PCDH15: variants seen among roughly 807,000 people sequenced by gnomAD.
PCDH15 encodes protocadherin related 15.
Under a neutral mutation model 178.5 loss-of-function variants are expected in PCDH15, and 129 were observed. The observed-to-expected ratio is 0.72, with a 90% CI of 0.63 to 0.84. The LOEUF (loss-of-function observed/expected upper bound fraction) is 0.84. PCDH15 is among the 40% of genes least tolerant of loss of function. The pLI, the probability that PCDH15 is intolerant of heterozygous loss-of-function variation, is 0.00. For synonymous variants in PCDH15, 800 were observed against 732.0 expected (o/e 1.09, Z -1.50); for missense variants, 2,230 against 2,099.9 (o/e 1.06, Z -1.21).
At chr10:54,337,070 T>C (rs186328204) in intron 6 of PCDH15, among the ~76,000 whole-genome samples, 2 of 152,056 alleles carry the variant, frequency 1.3e-5, no homozygotes, top group East Asian at 1.9e-4. Context: ...GTATAGGGCC[T>C]TTAGACCCTT....
At chr10:54,219,132 G>A (rs186150673) in intron 9 of PCDH15, among the ~76,000 whole-genome samples, 13 of 149,252 alleles carry the variant, frequency 8.7e-5, no homozygotes, top group South Asian at 8.5e-4. Context: ...AAAATTAGCC[G>A]GGCGTGGTGG....
chr10:54,226,662 A>G (rs2053482036), intron 9 of PCDH15, among the ~76,000 whole-genome samples: 1 of 152,204 alleles, frequency 6.6e-6, no homozygotes, highest in Non-Finnish European at 1.5e-5. Context: ...AACCCATTTC[A>G]GCATTAACTC....
intron 14 of PCDH15, among the ~76,000 whole-genome samples, chr10:54,139,529 A>G (rs955411847): frequency 6.6e-6 from 1 of 152,152 alleles, no homozygotes; most frequent in Non-Finnish European, 1.5e-5. Context: ...ATGGGGAAAC[A>G]TATTTCTAAA....
At chr10:54,726,982 AT>A (rs201275284) in intron 1 of PCDH15, among the ~76,000 whole-genome samples, 7,098 of 148,762 alleles carry the variant, frequency 0.048, 229 homozygotes, top group Middle Eastern at 0.13. Context: ...CTTGGAAAAT[AT>A]TTTTGTGGGT....
At chr10:54,297,912 G>GGA (rs2059902222) in intron 8 of PCDH15, among the ~76,000 whole-genome samples, 1 of 152,170 alleles carries the variant, frequency 6.6e-6, no homozygotes, top group South Asian at 2.1e-4. Flanking sequence ...CTGAGAGTTT[G>GGA]GAGATACCTG....
intron 21 of PCDH15, among the ~76,000 whole-genome samples, chr10:53,987,861 TC>T (rs2091213837): frequency 3.3e-5 from 5 of 152,324 alleles, no homozygotes; most frequent in Admixed American, 2.6e-4. Context: ...TTCCCTTCCA[TC>T]TTGTCAGTCT....
rs529790400 is a variant in PCDH15, at chr10:55,171,303, A to T, written c.-155-4652T>A. On this transcript the variant is annotated intron_variant, in intron 1 of 5. Coordinates refer to the PCDH15 transcript ENST00000458638. The stretch of plus-strand genomic sequence containing the variant: ...GTATAAATAGCAATTCTATTATTTC[A>T]CCAGCTTAGGCCTAAATGATGCATT... Among the ~76,000 whole-genome samples, 243 of 152,330 alleles carry T rather than the reference A, an allele frequency of 1.6e-3. 2 individuals are homozygous for T. Among genetic ancestry groups the T allele is most frequent in the African/African-American group, 5.5e-3 (227 of 41,580 alleles).
chr10:55,210,721 C>T (rs960763727), intron 1 of PCDH15, among the ~76,000 whole-genome samples: 4 of 144,566 alleles, frequency 2.8e-5, no homozygotes, highest in African/African-American at 7.7e-5. Flanking sequence ...CTCTGCCTCC[C>T]GTGTTCAAGT....
chr10:54,453,660 A>G (rs1462867157), intron 3 of PCDH15, among the ~76,000 whole-genome samples: 4 of 150,534 alleles, frequency 2.7e-5, no homozygotes, highest in Non-Finnish European at 4.5e-5. Context: ...ATAATTTTAA[A>G]AAAAAGAAAA....
chr10:54,691,376 T>G (rs534455744), intron 1 of PCDH15, among the ~76,000 whole-genome samples: 6 of 152,088 alleles, frequency 3.9e-5, no homozygotes, highest in Non-Finnish European at 8.8e-5. Context: ...TGAAGCAATC[T>G]TTCAGCTGTA....
At chr10:55,403,849 A>G (rs1404548350) in intron 2 of PCDH15, among the ~76,000 whole-genome samples, 1 of 152,046 alleles carries the variant, frequency 6.6e-6, no homozygotes, top group Admixed American at 6.6e-5. Context: ...AACGACATTA[A>G]CAAACCAGTT....
chr10:54,258,012 T>G (rs2057047506), intron 8 of PCDH15, among the ~76,000 whole-genome samples: 1 of 151,610 alleles, frequency 6.6e-6, no homozygotes, highest in Non-Finnish European at 1.5e-5. Context: ...GCTTAACGAT[T>G]AAAAAAAAAT....
intron 2 of PCDH15, among the ~76,000 whole-genome samples, chr10:54,953,440 A>G (rs1444793932): frequency 6.6e-6 from 1 of 151,430 alleles, no homozygotes; most frequent in African/African-American, 2.4e-5. Flanking sequence ...TGAGAGTACA[A>G]GTTTCTGAAC....
chr10:54,080,739 G>A (rs1283839375), intron 16 of PCDH15, among the ~76,000 whole-genome samples: 3 of 152,094 alleles, frequency 2.0e-5, no homozygotes, highest in Non-Finnish European at 2.9e-5. Flanking sequence ...AACTGACTTT[G>A]CTTCCTGTAC....
chr10:54,015,163 A>G (rs1042571030), intron 20 of PCDH15, among the ~76,000 whole-genome samples: 9 of 149,660 alleles, frequency 6.0e-5, no homozygotes, highest in African/African-American at 2.0e-4. Context: ...CATTTGCAAT[A>G]GTTACACAAA....
chr10:55,493,221 C>G (rs976287159), intron 2 of PCDH15, among the ~76,000 whole-genome samples: 1 of 150,890 alleles, frequency 6.6e-6, no homozygotes, highest in Non-Finnish European at 1.5e-5. Context: ...AATAAATGCA[C>G]AGACCCACAC....
intron 2 of PCDH15, among the ~76,000 whole-genome samples, chr10:54,903,800 T>G (rs1389863979): frequency 6.6e-6 from 1 of 152,122 alleles, no homozygotes; most frequent in Admixed American, 6.6e-5. Context: ...TCTGTATGTC[T>G]TCATTTTATT....
chr10:54,433,919 G>C (rs548255352), intron 3 of PCDH15, among the ~76,000 whole-genome samples: 1 of 152,200 alleles, frequency 6.6e-6, no homozygotes, highest in South Asian at 2.1e-4. Context: ...GCACAAGAAG[G>C]CATTGTTATT....
intron 2 of PCDH15, among the ~76,000 whole-genome samples, chr10:54,617,935 AAAG>A (rs1194666336): frequency 2.4e-4 from 36 of 150,346 alleles, no homozygotes; most frequent in African/African-American, 7.6e-4. Flanking sequence ...AAAAAAAAAA[AAAG>A]AAGAAGAGTA....
Sources: gnomAD v4.1 joint callset for allele counts (sites outside exome capture counted in the v4.1 genomes callset) on GRCh38, gnomAD v4.1.1 for gene constraint, MANE v1.5 for transcripts, NCBI Gene and HGNC (gene_info 2026-07-23, HGNC 2026-07-21) for gene names.